MRTFB: variants seen among roughly 807,000 people sequenced by gnomAD.
The protein encoded by MRTFB is myocardin related transcription factor B.
MRTFB carries 29 observed loss-of-function variants against 104.2 expected under a neutral mutation model. That is an observed-to-expected ratio of 0.28 (90% CI 0.21 to 0.38). The LOEUF is 0.38. Among genes scored for constraint, MRTFB ranks in the 10% least tolerant of loss-of-function variants. The probability of loss-of-function intolerance (pLI) is 1.00; values close to 1 mark genes in which losing one functional copy is unlikely to be tolerated. For synonymous variants in MRTFB, 535 were observed against 519.5 expected (o/e 1.03, Z -0.41); for missense variants, 1,270 against 1,341.6 (o/e 0.95, Z 0.83).
chr16:14,188,870 G>A (rs61044028), intron 3 of MRTFB, among the ~76,000 whole-genome samples: 11,991 of 152,048 alleles, frequency 0.079, 1,164 homozygotes, highest in African/African-American at 0.23. Flanking sequence ...TCCTGCATAT[G>A]TTTACAAAAT....
rs574638814 is a variant in MRTFB at position 14,133,146 on chromosome 16, G to A, written c.-63-7398G>A. 3.3e-5 allele frequency among the ~76,000 whole-genome samples: 5 copies of A among 152,248 alleles called. No homozygotes were observed. The East Asian group carries it at 5.8e-4, about 18-fold the overall frequency. ...CTCTACTTTAAAGAAGCAAAAACTC[G>A]AAGTCATAGACAGTGGTGGCTTATG... On this transcript the variant is annotated intron_variant, in intron 2 of 16. Coordinates refer to ENST00000571589, the MANE Select transcript of MRTFB (RefSeq NM_001308142.2).
chr16:14,002,291 G>C, the MRTFB span, among the ~76,000 whole-genome samples: 2 of 152,160 alleles, frequency 1.3e-5, no homozygotes, highest in Admixed American at 1.3e-4. Flanking sequence ...GCTGAGGCAG[G>C]AGAATCGCTT....
At chr16:14,112,111 G>C (rs559168505) in intron 2 of MRTFB, among the ~76,000 whole-genome samples, 1 of 151,390 alleles carries the variant, frequency 6.6e-6, no homozygotes, top group South Asian at 2.2e-4. Context: ...AAGCTCTGCC[G>C]AACAGGTATA....
upstream of MRTFB, among the ~76,000 whole-genome samples, chr16:14,067,468 A>G (rs2033536257): frequency 6.6e-6 from 1 of 151,554 alleles, no homozygotes; most frequent in African/African-American, 2.4e-5. Context: ...AGTGATCTGC[A>G]CGCCTTGGCC....
intron 8 of MRTFB, among the ~76,000 whole-genome samples, chr16:14,233,277 C>G (rs868084107): frequency 6.6e-6 from 1 of 152,242 alleles, no homozygotes; most frequent in South Asian, 2.1e-4. Context: ...TTCAAATCTT[C>G]TGTTGCAAGA....
chr16:14,255,823 C>A (rs1031299793), intron 15 of MRTFB, among the ~76,000 whole-genome samples: 11 of 151,084 alleles, frequency 7.3e-5, no homozygotes, highest in African/African-American at 2.7e-4. Flanking sequence ...AAAAAAAAAT[C>A]AATAGAAAGG....
intron 2 of MRTFB, among the ~76,000 whole-genome samples, chr16:14,096,368 G>C (rs1036939426): frequency 2.6e-5 from 4 of 152,134 alleles, no homozygotes; most frequent in Non-Finnish European, 4.4e-5. Context: ...CACTGTGCCT[G>C]GCCGGCAACC....
the MRTFB span, among the ~76,000 whole-genome samples, chr16:14,044,624 T>C: frequency 1.3e-5 from 2 of 152,226 alleles, no homozygotes; most frequent in Non-Finnish European, 2.9e-5. Flanking sequence ...TGCTTCTGGA[T>C]GTTCCATAAC....
At chr16:14,101,895 T>G (rs2035722431) in intron 2 of MRTFB, among the ~76,000 whole-genome samples, 1 of 152,206 alleles carries the variant, frequency 6.6e-6, no homozygotes, top group African/African-American at 2.4e-5. Flanking sequence ...ACCAGCCTAA[T>G]GTAATAACAT....
intron 2 of MRTFB, among the ~76,000 whole-genome samples, chr16:14,113,012 C>G (rs1596893565): frequency 6.6e-6 from 1 of 152,114 alleles, no homozygotes; most frequent in African/African-American, 2.4e-5. Context: ...AAATTTCTGT[C>G]TAGGTTATTA....
chr16:14,207,740 C>T (rs768022477), intron 3 of MRTFB, among the ~76,000 whole-genome samples: 2 of 152,154 alleles, frequency 1.3e-5, no homozygotes, highest in Non-Finnish European at 2.9e-5. Context: ...ATTTGGCTAT[C>T]CCTGAGTTGT....
At chr16:14,207,386 A>G (rs2151150532) in intron 3 of MRTFB, among the ~76,000 whole-genome samples, 1 of 152,354 alleles carries the variant, frequency 6.6e-6, no homozygotes, top group Middle Eastern at 3.4e-3. Flanking sequence ...TTGTGAATAT[A>G]ATTAGAAATG....
chr16:14,098,369 T>C lies in MRTFB; in HGVS notation c.-64+19015T>C, dbSNP rs1270506964. On this transcript the variant is annotated intron_variant, in intron 2 of 16. Coordinates refer to ENST00000571589, the MANE Select transcript of MRTFB (RefSeq NM_001308142.2). The stretch of plus-strand genomic sequence containing the variant: ...ATATTTTCATGTACTTATTTGCCAA[T>C]AGTTGGTAAAGTATCAAATCTTTTA... 5.9e-5 allele frequency among the ~76,000 whole-genome samples: 9 copies of C among 152,208 alleles called. No individual in the cohort carries two copies. In the East Asian group the frequency reaches 1.7e-3, roughly 29 times the overall value.
Position 14,264,085 on chromosome 16 carries a change from T to G in MRTFB, c.*2641T>G, listed in dbSNP as rs2043867434. 1 of 152,202 alleles carries G rather than the reference T, an allele frequency of 6.6e-6. No homozygotes were observed. Among genetic ancestry groups the G allele is most frequent in the African/African-American group, 2.4e-5 (1 of 41,442 alleles). 9.4% of individuals were successfully genotyped at this position (152,202 alleles called of 1,614,324 possible). A position where few individuals can be genotyped will look rare whatever the true frequency, so the allele number is the denominator to read the frequency against. On this transcript the variant is annotated 3_prime_UTR_variant, in exon 17 of 17. Transcript: ENST00000571589. ...TGGATATTGACTAAAGACTGGTTGT[T>G]GTTGTTGTTTAGGTTAGTGTCACAG...
At chr16:14,202,909 C>G (rs1170150709) in intron 3 of MRTFB, among the ~76,000 whole-genome samples, 1 of 152,184 alleles carries the variant, frequency 6.6e-6, no homozygotes, top group Non-Finnish European at 1.5e-5. Flanking sequence ...CTTGTTTTTA[C>G]AGGATCAGGC....
chr16:14,154,177 T>A (rs1247957174), intron 3 of MRTFB, among the ~76,000 whole-genome samples: 1 of 151,972 alleles, frequency 6.6e-6, no homozygotes, highest in Non-Finnish European at 1.5e-5. Flanking sequence ...TACAAAAAAA[T>A]TTTAAAAATT....
At chr16:14,028,689 C>T in the MRTFB span, among the ~76,000 whole-genome samples, 1 of 152,218 alleles carries the variant, frequency 6.6e-6, no homozygotes, top group African/African-American at 2.4e-5. Flanking sequence ...CCAACCGCAA[C>T]TTCCTAGTTG....
the MRTFB span, among the ~76,000 whole-genome samples, chr16:14,066,255 G>A: frequency 1.3e-5 from 2 of 150,136 alleles, no homozygotes; most frequent in African/African-American, 2.4e-5. Flanking sequence ...TATTTTTATT[G>A]ATTTTTTTAT....
At chr16:14,184,852 C>G (rs1396756911) in intron 3 of MRTFB, among the ~76,000 whole-genome samples, 1 of 152,186 alleles carries the variant, frequency 6.6e-6, no homozygotes, top group African/African-American at 2.4e-5. Flanking sequence ...AGAACTAAGA[C>G]TTTGGTTAAA....
Sources: gnomAD v4.1 joint callset for allele counts (sites outside exome capture counted in the v4.1 genomes callset) on GRCh38, gnomAD v4.1.1 for gene constraint, MANE v1.5 for transcripts, NCBI Gene and HGNC (gene_info 2026-07-23, HGNC 2026-07-21) for gene names.